NRP1: variants seen among roughly 807,000 people sequenced by gnomAD.
The protein encoded by NRP1 is neuropilin 1, also known as neuropilin-1.
In NRP1, 35 loss-of-function variants were observed where a neutral mutation model predicts 106.7. That is an observed-to-expected ratio of 0.33 (90% CI 0.25 to 0.43). The LOEUF is 0.43. Ranked by LOEUF, NRP1 falls within the 20% of genes least tolerant of loss-of-function variation. NRP1 has a pLI of 1.00. For synonymous variants in NRP1, 437 were observed against 417.9 expected (o/e 1.05, Z -0.56); for missense variants, 1,024 against 1,170.4 (o/e 0.87, Z 1.83).
intron 12 of NRP1, chr10:33,194,536 T>C: frequency 3.5e-6 from 1 of 288,256 alleles, no homozygotes; most frequent in South Asian, 3.5e-5. Context: ...CCTGAAAAAA[T>C]GTTTCAGGCA....
intron 16 of NRP1, among the ~76,000 whole-genome samples, chr10:33,180,811 GCT>G (rs759906790): frequency 6.6e-6 from 1 of 152,212 alleles, no homozygotes; most frequent in Non-Finnish European, 1.5e-5. Context: ...TCTACGTGGT[GCT>G]GTTTCCAGGA....
intron 3 of NRP1, among the ~76,000 whole-genome samples, chr10:33,266,275 T>A (rs1047241691): frequency 6.6e-6 from 1 of 152,196 alleles, no homozygotes; most frequent in Non-Finnish European, 1.5e-5. Flanking sequence ...TTTTCTTGTG[T>A]ATTTCGACAA....
At chr10:33,313,513 T>TA (rs921355059) in intron 2 of NRP1, among the ~76,000 whole-genome samples, 31 of 149,054 alleles carry the variant, frequency 2.1e-4, no homozygotes, top group African/African-American at 3.7e-4. Flanking sequence ...AATTAAAAGT[T>TA]AAAAAAAAAA....
chr10:33,226,321 C>T (rs1367770516), intron 6 of NRP1, 32 bp from the exon 7 acceptor site: 2 of 1,612,008 alleles, frequency 1.2e-6, no homozygotes, highest in Non-Finnish European at 1.7e-6. Context: ...GGTCAGTGCA[C>T]CATCCCTGCA....
intron 2 of NRP1, among the ~76,000 whole-genome samples, chr10:33,313,309 G>A (rs1392364336): frequency 6.6e-6 from 1 of 152,140 alleles, no homozygotes; most frequent in East Asian, 1.9e-4. Flanking sequence ...TCTGGGCTGG[G>A]CTGGAACAGC....
chr10:33,197,558 T>C (rs112570033), intron 12 of NRP1, 92 bp downstream of exon 12: 1 of 979,994 alleles, frequency 1.0e-6, no homozygotes, highest in Non-Finnish European at 1.5e-6. Context: ...TCTCTCCTTC[T>C]AGGACTTTCA....
chr10:33,249,787 C>A (rs1005418468), intron 6 of NRP1, among the ~76,000 whole-genome samples: 1 of 152,126 alleles, frequency 6.6e-6, no homozygotes, highest in Non-Finnish European at 1.5e-5. Context: ...ACTTCCTTCA[C>A]GCTCCTTCTC....
At position 33,324,934 on chromosome 10, in the gene NRP1, A is replaced by G. The variant is rs181200493; in HGVS notation, c.248+5774T>C. 9.8e-5 allele frequency among the ~76,000 whole-genome samples: 15 copies of G among 152,296 alleles called. No individual in the cohort carries two copies. The East Asian group carries it at 2.3e-3, about 24-fold the overall frequency. ...GAGTGAGCCACCGTGCCTGGCCTGTACATACAGACTTCTAAGACTCTAGTT... is the reference window on the plus strand; with the variant it reads ...GAGTGAGCCACCGTGCCTGGCCTGTGCATACAGACTTCTAAGACTCTAGTT... On this transcript the variant is annotated intron_variant, in intron 2 of 16. Transcript: ENST00000374867.
At chr10:33,221,892 T>G in intron 7 of NRP1, 29 bp from the exon 8 acceptor site, 1 of 1,579,646 alleles carries the variant, frequency 6.3e-7, no homozygotes, top group South Asian at 1.1e-5. Flanking sequence ...TGCCTTTCTT[T>G]AGCAGAGGTT....
At chr10:33,234,851 C>T (rs942851003) in intron 6 of NRP1, among the ~76,000 whole-genome samples, 17 of 152,080 alleles carry the variant, frequency 1.1e-4, no homozygotes, top group African/African-American at 3.9e-4. Flanking sequence ...ATTTTCCTAC[C>T]AGAAGACTTG....
chr10:33,204,967 A>G (rs1185747334), intron 10 of NRP1, among the ~76,000 whole-genome samples: 1 of 152,120 alleles, frequency 6.6e-6, no homozygotes, highest in Non-Finnish European at 1.5e-5. Flanking sequence ...CCTGAGCTCA[A>G]GTGATCTGCC....
intron 3 of NRP1, among the ~76,000 whole-genome samples, chr10:33,268,142 TTGTG>T (rs1378458918): frequency 6.6e-6 from 1 of 152,044 alleles, no homozygotes; most frequent in Non-Finnish European, 1.5e-5. Flanking sequence ...ACCTGTGCTT[TTGTG>T]TGTGTGTGTA....
chr10:33,186,999 G>A (rs928297077), intron 13 of NRP1, among the ~76,000 whole-genome samples: 5 of 152,022 alleles, frequency 3.3e-5, no homozygotes, highest in Admixed American at 2.0e-4. Context: ...CTATGACTAC[G>A]GGCCCATGCC....
chr10:33,228,783 C>G (rs984618833), intron 6 of NRP1, among the ~76,000 whole-genome samples: 1 of 152,162 alleles, frequency 6.6e-6, no homozygotes, highest in African/African-American at 2.4e-5. Context: ...AAACTCTAGG[C>G]TCTGTGTGCT....
intron 8 of NRP1, among the ~76,000 whole-genome samples, chr10:33,219,072 A>C (rs1277790919): frequency 6.6e-6 from 1 of 152,178 alleles, no homozygotes; most frequent in Non-Finnish European, 1.5e-5. Context: ...AAGAAGAAAA[A>C]CTTGAAATTA....
chr10:33,207,479 G>A, intron 10 of NRP1, 93 bp downstream of exon 10: 2 of 1,426,720 alleles, frequency 1.4e-6, no homozygotes, highest in Non-Finnish European at 1.9e-6. Flanking sequence ...AGGGAAAAGG[G>A]TAGGCAATTT....
intron 9 of NRP1, chr10:33,212,366 C>T (rs1042606813): frequency 6.6e-6 from 1 of 152,190 alleles, no homozygotes; most frequent in East Asian, 1.9e-4. Flanking sequence ...GAAATTCTGA[C>T]ACAATGCTAT....
At chr10:33,326,811 A>G (rs1847922083) in intron 2 of NRP1, among the ~76,000 whole-genome samples, 1 of 152,130 alleles carries the variant, frequency 6.6e-6, no homozygotes, top group Admixed American at 6.5e-5. Context: ...AAACTTCACC[A>G]TTTTGCAAAG....
At chr10:33,192,970 TA>T (rs903888049) in intron 12 of NRP1, among the ~76,000 whole-genome samples, 10 of 152,188 alleles carry the variant, frequency 6.6e-5, no homozygotes, top group African/African-American at 2.4e-4. Context: ...ATTTTAGGAT[TA>T]TTTTTTTTTC....
Sources: gnomAD v4.1 joint callset for allele counts (sites outside exome capture counted in the v4.1 genomes callset) on GRCh38, gnomAD v4.1.1 for gene constraint, MANE v1.5 for transcripts, NCBI Gene and HGNC (gene_info 2026-07-23, HGNC 2026-07-21) for gene names.